Variants in CALD1 observed in about 807,000 individuals in gnomAD.
CALD1 encodes the protein caldesmon.
Under a neutral mutation model 99.9 loss-of-function variants are expected in CALD1, and 33 were observed. That is an observed-to-expected ratio of 0.33 (90% CI 0.25 to 0.44). The LOEUF (loss-of-function observed/expected upper bound fraction) is 0.44, where lower values mean the gene tolerates loss of function less well. Ranked by LOEUF, CALD1 falls within the 20% of genes least tolerant of loss-of-function variation. CALD1 has a pLI of 1.00. For synonymous variants in CALD1, 310 were observed against 325.0 expected (o/e 0.95, Z 0.50); for missense variants, 861 against 962.1 (o/e 0.89, Z 1.39).
At chr7:134,920,627 T>C in intron 3 of CALD1, 3 of 1,289,286 alleles carry the variant, frequency 2.3e-6, no homozygotes, top group Non-Finnish European at 3.0e-6. Flanking sequence ...AACACTGCCT[T>C]CTCTCAAATG....
the CALD1 span, among the ~76,000 whole-genome samples, chr7:134,733,955 G>C: frequency 6.6e-6 from 1 of 150,850 alleles, no homozygotes; most frequent in Admixed American, 6.6e-5. Context: ...GTATAAATTT[G>C]CTATATTATA....
chr7:134,878,888 A>C (rs1160043379), intron 3 of CALD1, among the ~76,000 whole-genome samples: 1 of 152,070 alleles, frequency 6.6e-6, no homozygotes, highest in Non-Finnish European at 1.5e-5. Flanking sequence ...GGATTACTTG[A>C]GCCTGGGAGT....
intron 11 of CALD1, 103 bp from the exon 12 acceptor site, chr7:134,959,871 C>T: frequency 6.4e-6 from 8 of 1,257,440 alleles, no homozygotes; most frequent in Non-Finnish European, 7.8e-6. Flanking sequence ...GGTGTTTACA[C>T]AATGAATTTT....
At chr7:134,842,640 A>G (rs1799696617) in intron 1 of CALD1, among the ~76,000 whole-genome samples, 1 of 152,240 alleles carries the variant, frequency 6.6e-6, no homozygotes, top group South Asian at 2.1e-4. Context: ...CTCTGTTGAA[A>G]TAAGTTATCA....
At chr7:134,870,607 C>T (rs1801024303) in intron 3 of CALD1, among the ~76,000 whole-genome samples, 2 of 152,110 alleles carry the variant, frequency 1.3e-5, no homozygotes, top group African/African-American at 4.8e-5. Flanking sequence ...TTAATCCTAA[C>T]CTTGTTTAAT....
intron 14 of CALD1, 58 bp from the exon 15 acceptor site, chr7:134,968,282 T>C (rs1808822360): frequency 1.3e-6 from 2 of 1,533,096 alleles, no homozygotes; most frequent in African/African-American, 1.4e-5. Context: ...CCTGAAACAC[T>C]GCAGGCTGTC....
chr7:134,728,634 C>T, the CALD1 span, among the ~76,000 whole-genome samples: 1 of 152,148 alleles, frequency 6.6e-6, no homozygotes, highest in African/African-American at 2.4e-5. Context: ...CAGTCACCCC[C>T]ATTCTTCTTA....
intron 12 of CALD1, 115 bp from the exon 13 acceptor site, chr7:134,960,418 A>G: frequency 1.4e-6 from 1 of 729,366 alleles, no homozygotes; most frequent in East Asian, 2.5e-5. Context: ...TCAAGTGTTA[A>G]GGTTTATGGT....
chr7:134,904,315 T>C (rs1803212766), intron 3 of CALD1, among the ~76,000 whole-genome samples: 1 of 151,792 alleles, frequency 6.6e-6, no homozygotes, highest in Non-Finnish European at 1.5e-5. Context: ...GCATGGTGGC[T>C]CACACCTGTA....
chr7:134,912,528 TTCAGCAAGG>T (rs1306788977), intron 3 of CALD1, among the ~76,000 whole-genome samples: 1 of 152,194 alleles, frequency 6.6e-6, no homozygotes, highest in Non-Finnish European at 1.5e-5. Flanking sequence ...ACCTGTTCCT[TTCAGCAAGG>T]TGAGTTTACA....
At chr7:134,909,311 A>C (rs937500641) in intron 3 of CALD1, among the ~76,000 whole-genome samples, 30 of 152,248 alleles carry the variant, frequency 2.0e-4, no homozygotes, top group African/African-American at 6.8e-4. Context: ...TGGATTAATC[A>C]GGTGTCTAGA....
chr7:134,870,671 G>GT (rs1212837839), intron 3 of CALD1, among the ~76,000 whole-genome samples: 3 of 124,164 alleles, frequency 2.4e-5, no homozygotes, highest in Non-Finnish European at 3.3e-5. Flanking sequence ...TTTCTTTTCT[G>GT]TTTTTTATTT....
chr7:134,759,838 CA>C (rs1796761221), intron 1 of CALD1, among the ~76,000 whole-genome samples: 1 of 152,176 alleles, frequency 6.6e-6, no homozygotes, highest in Admixed American at 6.5e-5. Flanking sequence ...AACAAGTAAT[CA>C]AATTGAATAT....
chr7:134,801,237 A>G (rs1797929969), intron 1 of CALD1, among the ~76,000 whole-genome samples: 2 of 152,172 alleles, frequency 1.3e-5, no homozygotes, highest in African/African-American at 4.8e-5. Context: ...CAAAGTATAA[A>G]CTTTATTTTC....
chr7:134,711,624 C>T, the CALD1 span, among the ~76,000 whole-genome samples: 1 of 140,662 alleles, frequency 7.1e-6, no homozygotes, highest in African/African-American at 2.8e-5. Context: ...AAATCAACCT[C>T]AGCTTCTCTC....
At chr7:134,784,508 G>A (rs1797231738) in intron 1 of CALD1, among the ~76,000 whole-genome samples, 1 of 152,228 alleles carries the variant, frequency 6.6e-6, no homozygotes, top group Non-Finnish European at 1.5e-5. Flanking sequence ...AGTTGTGCAT[G>A]ACAGCCAGGT....
intron 1 of CALD1, among the ~76,000 whole-genome samples, chr7:134,751,822 A>G (rs558170127): frequency 6.6e-6 from 1 of 152,194 alleles, no homozygotes; most frequent in Non-Finnish European, 1.5e-5. Context: ...CCAAAAATAC[A>G]CAAAATTAGG....
intron 8 of CALD1, among the ~76,000 whole-genome samples, chr7:134,950,072 C>A (rs369479165): frequency 1.3e-5 from 2 of 152,176 alleles, no homozygotes; most frequent in African/African-American, 4.8e-5. Flanking sequence ...TGAGCCCTCA[C>A]GAAAGCCCTA....
intron 3 of CALD1, among the ~76,000 whole-genome samples, chr7:134,884,268 C>T (rs2132448480): frequency 6.6e-6 from 1 of 152,242 alleles, no homozygotes; most frequent in Admixed American, 6.5e-5. Flanking sequence ...TGGCTTGAAT[C>T]TCACAGAGTT....
Sources: allele counts gnomAD v4.1 joint callset (sites outside exome capture counted in the v4.1 genomes callset), GRCh38; gene constraint gnomAD v4.1.1; transcripts MANE v1.5; gene names NCBI Gene and HGNC (gene_info 2026-07-23, HGNC 2026-07-21).